Variants in DDX1 observed in about 807,000 individuals in gnomAD.
DDX1 encodes the protein ATP-dependent RNA helicase DDX1.
In DDX1, 28 loss-of-function variants were observed where a neutral mutation model predicts 108.7. That is an observed-to-expected ratio of 0.26 (90% CI 0.19 to 0.35). DDX1 has a LOEUF of 0.35. Among genes scored for constraint, DDX1 ranks in the 10% least tolerant of loss-of-function variants. DDX1 has a pLI of 1.00. For synonymous variants in DDX1, 295 were observed against 288.9 expected, an observed-to-expected ratio of 1.02 and a Z score of -0.21; for missense variants, 710 against 884.5, an observed-to-expected ratio of 0.80 and a Z score of 2.50.
Position 15,606,269 on chromosome 2 carries a change from T to A in DDX1, c.817+5T>A. On this transcript the variant is annotated splice_donor_5th_base_variant and intron_variant, in intron 12 of 25. Transcript: ENST00000233084. ...TTGTCAAATCACAGCACTCAGGTAT[T>A]ATACCTGCAAGGGTAAGGATTTCTA... 1.9e-6 allele frequency: 3 copies of A among 1,585,186 alleles called. No homozygotes were observed. Among genetic ancestry groups the A allele is most frequent in the Non-Finnish European group, 2.6e-6 (3 of 1,154,454 alleles).
intron 18 of DDX1, chr2:15,621,431 TCCC>T: frequency 4.3e-6 from 1 of 231,710 alleles, no homozygotes; most frequent in African/African-American, 2.3e-5. Flanking sequence ...TGCCTCAGCC[TCCC>T]AAGTAGCTGG....
At chr2:15,605,265 C>G (rs1665644683) in intron 10 of DDX1, among the ~76,000 whole-genome samples, 1 of 151,852 alleles carries the variant, frequency 6.6e-6, no homozygotes, top group South Asian at 2.1e-4. Flanking sequence ...AAGAAGAGAT[C>G]TGAGGCCTGG....
rs1665931736 is a variant in DDX1 at position 15,618,199 on chromosome 2, G to C, written c.1135G>C (p.Gly379Arg). The C allele has an allele frequency of 6.3e-7, 1 of 1,586,250 alleles. No individual in the cohort carries two copies. The highest frequency in any genetic ancestry group is 1.7e-5 in the Admixed American group (1 of 59,758). Residue 379 changes from glycine (G) to arginine (R), a missense_variant, in exon 16 of 26, where the codon GGT (glycine) becomes CGT (arginine). Transcript: ENST00000233084. ...CATGCAGGATGGGCTTCTTTCTCAAGGTTATTCTGATTTTATAAATAGGAT... is the reference window on the plus strand; with the variant it reads ...CATGCAGGATGGGCTTCTTTCTCAACGTTATTCTGATTTTATAAATAGGAT... ...LDEADGLLSQ[G>R]YSDFINRMHN... is the part of the protein sequence containing the mutation.
In DDX1 at chr2:15,597,352, G is replaced by T. The variant is rs769790875; in HGVS notation, c.163-23G>T. The stretch of plus-strand genomic sequence containing the variant: ...TCGTTAATATGTGAATACTAATATA[G>T]ATACCTTTTGTTTCTTTGATAGGCT... On this transcript the variant is annotated intron_variant, in intron 4 of 25. Transcript: ENST00000233084. The T allele has an allele frequency of 2.1e-6, 3 of 1,443,408 alleles. No homozygotes were observed. The South Asian group carries it at 3.7e-5, about 18-fold the overall frequency. 89.4% of individuals were successfully genotyped at this position (1,443,408 alleles called of 1,614,324 possible). A position where few individuals can be genotyped will look rare whatever the true frequency, so the allele number is the denominator to read the frequency against.
rs1665832271 is a variant in DDX1, at chr2:15,613,252, G to C, written c.985G>C (p.Ala329Pro). The change falls in exon 14 of 26, where the codon GCC becomes CCC. Residue 329 changes from alanine (A) to proline (P), a missense_variant. Transcript: ENST00000233084. Reference sequence around the variant, plus strand: ...GCTTCTGATAATTGGAGGTGTTGCAGCCCGGGATCAGCTCTCTGTTTTGGA... The same window carrying C: ...GCTTCTGATAATTGGAGGTGTTGCACCCCGGGATCAGCTCTCTGTTTTGGA... Reference protein sequence around the residue: ...RELLIIGGVAARDQLSVLENG... With the variant: ...RELLIIGGVAPRDQLSVLENG... 2 of 1,605,924 alleles carry C rather than the reference G, an allele frequency of 1.2e-6. No individual in the cohort carries two copies. The highest frequency in any genetic ancestry group is 1.7e-6 in the Non-Finnish European group (2 of 1,176,734).
At chr2:15,604,026 G>C (rs1665627310) in intron 9 of DDX1, 136 bp downstream of exon 9, 1 of 603,518 alleles carries the variant, frequency 1.7e-6, no homozygotes, top group Non-Finnish European at 2.8e-6. Flanking sequence ...AGAAAGTTTG[G>C]ATTTGGACTT....
In DDX1 at chr2:15,631,073, T is replaced by G; in HGVS notation, c.*167T>G. On this transcript the variant is annotated 3_prime_UTR_variant, in exon 26 of 26. Transcript: ENST00000233084. The stretch of plus-strand genomic sequence containing the variant: ...CTTAGGAATTCTTCAAAAAATGGCA[T>G]CCCAATGAAAATAAATTTGATGACT... The G allele has an allele frequency of 1.9e-6, 1 of 536,326 alleles. No individual in the cohort carries two copies. Among genetic ancestry groups the G allele is most frequent in the Admixed American group, 3.6e-5 (1 of 27,586 alleles). The allele number at this position is 536,326 out of a possible 1,614,324, so 33.2% of individuals were successfully genotyped here.
At chr2:15,624,106 G>A (rs776621640) in intron 19 of DDX1, among the ~76,000 whole-genome samples, 21 of 152,276 alleles carry the variant, frequency 1.4e-4, no homozygotes, top group Admixed American at 6.5e-4. Context: ...TGGACTGGAT[G>A]AAATCTAGCA....
chr2:15,602,603 G>A lies in DDX1; in HGVS notation c.363G>A (p.Gly121=), dbSNP rs752701299. ...CQSREVKEWH[G]CRATKGLMKG... Reference sequence around the variant, plus strand: ...GCAGAGAAGTAAAGGAATGGCATGGGTGTAGAGCTACTAAAGGATTAATGA... The same window carrying A: ...GCAGAGAAGTAAAGGAATGGCATGGATGTAGAGCTACTAAAGGATTAATGA... The change falls in exon 7 of 26, where the codon GGG becomes GGA. Residue 121 remains glycine, a synonymous_variant. Coordinates refer to ENST00000233084, the MANE Select transcript of DDX1 (RefSeq NM_004939.3). 1.2e-6 allele frequency: 2 copies of A among 1,613,210 alleles called. No individual in the cohort carries two copies. Among genetic ancestry groups the A allele is most frequent in the Admixed American group, 3.3e-5 (2 of 60,024 alleles).
intron 11 of DDX1, 59 bp from the exon 12 acceptor site, chr2:15,606,091 G>GTA: frequency 1.3e-6 from 2 of 1,564,962 alleles, no homozygotes; most frequent in South Asian, 2.3e-5. Flanking sequence ...TCATTATTTT[G>GTA]TATACGATGG....
rs191134941 is a variant in DDX1 at position 15,597,095 on chromosome 2, T to C, written c.163-280T>C. Among the ~76,000 whole-genome samples the C allele has an allele frequency of 1.8e-4, 28 of 152,330 alleles. No individual in the cohort carries two copies. The East Asian group carries it at 3.7e-3, about 20-fold the overall frequency. On this transcript the variant is annotated intron_variant, in intron 4 of 25. Coordinates refer to ENST00000233084, the MANE Select transcript of DDX1 (RefSeq NM_004939.3). ...TACTGGCCTGGACTAGAGAAATAAT[T>C]TGTCGGACTGGATGGTATTTTTCCT...
chr2:15,621,914 A>C (rs986206025), intron 18 of DDX1, among the ~76,000 whole-genome samples: 57 of 152,334 alleles, frequency 3.7e-4, no homozygotes, highest in African/African-American at 1.3e-3. Flanking sequence ...TTGGCTTCAC[A>C]AAGTGCTGGG....
At chr2:15,611,761 G>A (rs1466757666) in intron 13 of DDX1, among the ~76,000 whole-genome samples, 6 of 103,800 alleles carry the variant, frequency 5.8e-5, no homozygotes, top group Admixed American at 8.6e-5. Flanking sequence ...CCTCCCTCCC[G>A]GACGGGGTGG....
At chr2:15,593,679 A>G (rs1274129568) in intron 1 of DDX1, among the ~76,000 whole-genome samples, 1 of 152,188 alleles carries the variant, frequency 6.6e-6, no homozygotes, top group Non-Finnish European at 1.5e-5. Context: ...TAGGAGAGAG[A>G]ACATAGACTG....
In DDX1 at chr2:15,622,349, C is replaced by T. The variant is rs185919095; in HGVS notation, c.1448-1087C>T. 4.7e-3 allele frequency among the ~76,000 whole-genome samples: 718 copies of T among 152,202 alleles called. 3 individuals are homozygous for T. The highest frequency in any genetic ancestry group is 8.6e-3 in the Non-Finnish European group (585 of 68,008). ...TTTTAAAAAGCCTAACATTAAATTC[C>T]GCCTCAATGAAGATTCTTCTTTGCA... On this transcript the variant is annotated intron_variant, in intron 18 of 25. Coordinates refer to ENST00000233084, the MANE Select transcript of DDX1 (RefSeq NM_004939.3).
At chr2:15,600,199 C>T (rs545718030) in intron 6 of DDX1, among the ~76,000 whole-genome samples, 1 of 152,292 alleles carries the variant, frequency 6.6e-6, no homozygotes, top group African/African-American at 2.4e-5. Context: ...GACAGTCCTC[C>T]TTCTTGGGGT....
chr2:15,629,554 A>G, intron 23 of DDX1, 48 bp from the exon 24 acceptor site: 1 of 1,313,610 alleles, frequency 7.6e-7, no homozygotes, highest in Non-Finnish European at 1.1e-6. Flanking sequence ...GATATTTAGC[A>G]TGTCTCTATC....
Position 15,597,448 on chromosome 2 carries a change from C to A in DDX1, c.236C>A (p.Thr79Lys). The A allele has an allele frequency of 6.2e-7, 1 of 1,606,738 alleles. No individual in the cohort carries two copies. The highest frequency in any genetic ancestry group is 8.5e-7 in the Non-Finnish European group (1 of 1,176,506). ...KDQQEGKKGK[T>K]TIKTGASVLN... ...CAACAGGAAGGCAAAAAAGGAAAAA[C>A]AACAATTAAAACTGGTGCTTCAGGT... The change falls in exon 5 of 26, where the codon ACA (threonine) becomes AAA (lysine). Residue 79 changes from threonine (T) to lysine (K), a missense_variant. By Grantham distance (78) the Thr-to-Lys change is moderately conservative. This residue lies in a region of DDX1 where 661 missense variants were observed against 810.2 expected (regional missense o/e 0.82). Transcript: ENST00000233084.
At chr2:15,626,606 A>G (rs1666103786) in intron 19 of DDX1, among the ~76,000 whole-genome samples, 1 of 152,114 alleles carries the variant, frequency 6.6e-6, no homozygotes, top group Non-Finnish European at 1.5e-5. Context: ...CTAGATAACT[A>G]TGTTGCTTAA....
Sources: allele counts gnomAD v4.1 joint callset (sites outside exome capture counted in the v4.1 genomes callset), GRCh38; gene constraint gnomAD v4.1.1; regional missense constraint gnomAD v4.1.1; transcripts MANE v1.5; gene names NCBI Gene and HGNC (gene_info 2026-07-23, HGNC 2026-07-21).